MAP2: variants seen among roughly 807,000 people sequenced by gnomAD.
MAP2 encodes the protein microtubule-associated protein 2.
In MAP2, 14 loss-of-function variants were observed where a neutral mutation model predicts 137.6. The ratio of observed to expected loss-of-function variants is 0.10; its 90% CI spans 0.07 to 0.16. The LOEUF is 0.16. Among genes scored for constraint, MAP2 ranks in the 10% least tolerant of loss-of-function variants. The probability of loss-of-function intolerance (pLI) is 1.00; values close to 1 mark genes in which losing one functional copy is unlikely to be tolerated. For missense variants in MAP2, 2,088 were observed against 2,191.5 expected (o/e 0.95, Z 0.94); for synonymous variants, 786 against 782.3 (o/e 1.00, Z -0.08).
At chr2:209,688,848 A>T (rs960972072) in intron 7 of MAP2, among the ~76,000 whole-genome samples, 2 of 152,232 alleles carry the variant, frequency 1.3e-5, no homozygotes, top group Admixed American at 1.3e-4. Context: ...ATAAGCTTAC[A>T]GCTCACCAAC....
At chr2:209,724,579 A>G (rs1350577627) in intron 13 of MAP2, among the ~76,000 whole-genome samples, 1 of 148,570 alleles carries the variant, frequency 6.7e-6, no homozygotes, top group East Asian at 2.0e-4. Context: ...AGAATCAAGC[A>G]GTGAAGAGAG....
chr2:209,635,052 A>C (rs1316063288), intron 4 of MAP2, among the ~76,000 whole-genome samples: 3 of 152,120 alleles, frequency 2.0e-5, no homozygotes, highest in Middle Eastern at 3.2e-3. Flanking sequence ...AGCTATGATC[A>C]TGCCACTACA....
At chr2:209,482,604 C>G (rs1223828346) in intron 1 of MAP2, among the ~76,000 whole-genome samples, 2 of 152,146 alleles carry the variant, frequency 1.3e-5, no homozygotes, top group Admixed American at 6.5e-5. Context: ...TTATACCAAA[C>G]TTTCTGATAG....
intron 4 of MAP2, among the ~76,000 whole-genome samples, chr2:209,639,385 G>A (rs971679501): frequency 1.3e-5 from 2 of 152,014 alleles, no homozygotes; most frequent in Non-Finnish European, 2.9e-5. Context: ...TTAATTTGAG[G>A]ATTAGGTTTT....
intron 1 of MAP2, among the ~76,000 whole-genome samples, chr2:209,501,011 C>T (rs573421627): frequency 6.4e-5 from 8 of 124,494 alleles, no homozygotes; most frequent in Admixed American, 2.0e-4. Context: ...GCACTCCAGC[C>T]GGGACAATAG....
chr2:209,455,499 A>G (rs1296214910), intron 1 of MAP2, among the ~76,000 whole-genome samples: 1 of 152,172 alleles, frequency 6.6e-6, no homozygotes, highest in Non-Finnish European at 1.5e-5. Context: ...AAAGTGTACT[A>G]TTGTTTCATA....
chr2:209,509,328 C>T (rs288068), intron 2 of MAP2, among the ~76,000 whole-genome samples: 124,889 of 151,812 alleles, frequency 0.82, 52,479 homozygotes, highest in Non-Finnish European at 0.93. Context: ...TGTGGGAATA[C>T]GAAAATCGAG....
intron 2 of MAP2, among the ~76,000 whole-genome samples, chr2:209,546,098 G>A (rs566351018): frequency 1.2e-3 from 179 of 152,218 alleles, no homozygotes; most frequent in African/African-American, 2.9e-3. Context: ...AGCCGAGATC[G>A]CGCCACTGCA....
At chr2:209,632,967 C>A (rs969477863) in intron 4 of MAP2, among the ~76,000 whole-genome samples, 4 of 152,040 alleles carry the variant, frequency 2.6e-5, no homozygotes, top group East Asian at 1.9e-4. Flanking sequence ...CAGATCATTT[C>A]TTTTTCCTAC....
chr2:209,640,196 C>T (rs1328402089), intron 4 of MAP2, among the ~76,000 whole-genome samples: 1 of 151,988 alleles, frequency 6.6e-6, no homozygotes, highest in Non-Finnish European at 1.5e-5. Context: ...CACAACTTCC[C>T]GTCCTTATCA....
chr2:209,701,940 A>C (rs1435805470), intron 11 of MAP2, among the ~76,000 whole-genome samples: 1 of 152,056 alleles, frequency 6.6e-6, no homozygotes, highest in African/African-American at 2.4e-5. Flanking sequence ...TAATTTTCTA[A>C]AAATAAAGGG....
At chr2:209,669,184 T>C (rs903831219) in intron 5 of MAP2, among the ~76,000 whole-genome samples, 2 of 152,120 alleles carry the variant, frequency 1.3e-5, no homozygotes, top group African/African-American at 4.8e-5. Context: ...ATAAGGTTGA[T>C]GATTGCTGCT....
At chr2:209,666,985 C>T (rs1192487016) in intron 5 of MAP2, among the ~76,000 whole-genome samples, 9 of 151,922 alleles carry the variant, frequency 5.9e-5, no homozygotes, top group Non-Finnish European at 1.0e-4. Flanking sequence ...GGAAAAACTA[C>T]AGTATGTAAA....
At chr2:209,572,849 G>A (rs1389999649) in intron 2 of MAP2, among the ~76,000 whole-genome samples, 2 of 152,166 alleles carry the variant, frequency 1.3e-5, no homozygotes, top group African/African-American at 4.8e-5. Context: ...CCATGAGAGT[G>A]ATTTACATAT....
At chr2:209,432,913 A>G (rs577148412) in intron 1 of MAP2, among the ~76,000 whole-genome samples, 1 of 152,156 alleles carries the variant, frequency 6.6e-6, no homozygotes, top group East Asian at 1.9e-4. Flanking sequence ...AAATTTAAAT[A>G]ATCTGTAAAG....
intron 1 of MAP2, among the ~76,000 whole-genome samples, chr2:209,477,943 G>A (rs374941765): frequency 1.3e-3 from 203 of 152,112 alleles, no homozygotes; most frequent in Non-Finnish European, 2.4e-3. Context: ...GATTGAGACT[G>A]CAGTGAGCTG....
chr2:209,474,796 T>C (rs1706749555), intron 1 of MAP2, among the ~76,000 whole-genome samples: 1 of 152,088 alleles, frequency 6.6e-6, no homozygotes, highest in South Asian at 2.1e-4. Context: ...TGGAGATTGT[T>C]ACTATATGCA....
At position 209,733,834 on chromosome 2, in the gene MAP2, G is replaced by T. The variant is rs1265382394; in HGVS notation, c.*3437G>T. Reference sequence around the variant, plus strand: ...AGGAAAAAGCTTATTTTCAAACTCAGAAAATAAAATGTCAATCATAAAAAT... The same window carrying T: ...AGGAAAAAGCTTATTTTCAAACTCATAAAATAAAATGTCAATCATAAAAAT... On this transcript the variant is annotated 3_prime_UTR_variant, in exon 16 of 16. Transcript: ENST00000682079. 1 of 152,068 alleles carries T rather than the reference G, an allele frequency of 6.6e-6. No individual in the cohort carries two copies. The highest frequency in any genetic ancestry group is 1.5e-5 in the Non-Finnish European group (1 of 67,932). 9.4% of individuals were successfully genotyped at this position (152,068 alleles called of 1,614,324 possible).
At chr2:209,483,719 G>C (rs987440202) in intron 1 of MAP2, among the ~76,000 whole-genome samples, 2 of 152,152 alleles carry the variant, frequency 1.3e-5, no homozygotes, top group Admixed American at 1.3e-4. Context: ...ATAATTTACT[G>C]TTCAGTTTTG....
Sources: allele counts gnomAD v4.1 joint callset (sites outside exome capture counted in the v4.1 genomes callset), GRCh38; gene constraint gnomAD v4.1.1; transcripts MANE v1.5; gene names NCBI Gene and HGNC (gene_info 2026-07-23, HGNC 2026-07-21).